ATG7: variants seen among roughly 807,000 people sequenced by gnomAD.
ATG7 encodes the protein autophagy related 7, also known as ubiquitin-like modifier-activating enzyme ATG7.
A neutral mutation model predicts 82.4 loss-of-function variants in ATG7; 70 were observed. That is an observed-to-expected ratio of 0.85 (90% CI 0.70 to 1.04). ATG7 has a LOEUF of 1.04. Ranked by LOEUF, ATG7 falls within the 50% of genes least tolerant of loss-of-function variation. The probability of loss-of-function intolerance (pLI) is 0.00; values close to 1 mark genes in which losing one functional copy is unlikely to be tolerated. For missense variants in ATG7, 792 were observed against 864.3 expected, an observed-to-expected ratio of 0.92 and a Z score of 1.05; for synonymous variants, 287 against 313.0, an observed-to-expected ratio of 0.92 and a Z score of 0.88.
At chr3:11,559,378 G>A (rs370809228), downstream of ATG7, 155 of 1,554,260 alleles carry the variant, frequency 1.0e-4, 1 homozygote, top group Middle Eastern at 2.0e-4. Context: ...CGGCACAGCC[G>A]CTGTGCGCGA....
chr3:11,462,131 C>G (rs1422686985), intron 20 of ATG7, among the ~76,000 whole-genome samples: 4 of 152,080 alleles, frequency 2.6e-5, no homozygotes. Context: ...CTCAAGGTTT[C>G]CATTTCTAAC....
chr3:11,391,966 G>GGT (rs1553640476), intron 19 of ATG7, among the ~76,000 whole-genome samples: 67 of 138,476 alleles, frequency 4.8e-4, no homozygotes, highest in African/African-American at 1.8e-3. Context: ...ATTGGGGGGG[G>GGT]GGTAATTTCA....
intron 20 of ATG7, among the ~76,000 whole-genome samples, chr3:11,486,916 A>C (rs960666026): frequency 6.8e-6 from 1 of 148,090 alleles, no homozygotes; most frequent in African/African-American, 2.5e-5. Flanking sequence ...ACAATAGTGG[A>C]GGGAAGGTCA....
intron 20 of ATG7, among the ~76,000 whole-genome samples, chr3:11,498,185 C>T (rs2091007875): frequency 1.3e-5 from 2 of 152,106 alleles, no homozygotes; most frequent in African/African-American, 4.8e-5. Context: ...GTACATAACC[C>T]ACCTCTTTCT....
chr3:11,414,889 C>T (rs1174432600), intron 19 of ATG7, among the ~76,000 whole-genome samples: 1 of 152,192 alleles, frequency 6.6e-6, no homozygotes, highest in Non-Finnish European at 1.5e-5. Context: ...GGCTTGTGCA[C>T]CTGGGATAAA....
chr3:11,351,157 G>GTATTTA (rs1480044567), intron 14 of ATG7, among the ~76,000 whole-genome samples: 1 of 152,156 alleles, frequency 6.6e-6, no homozygotes, highest in Non-Finnish European at 1.5e-5. Flanking sequence ...GTCAGGTAGT[G>GTATTTA]TATTTAAGAC....
chr3:11,476,434 G>A (rs925497729), intron 20 of ATG7, among the ~76,000 whole-genome samples: 1 of 95,634 alleles, frequency 1.0e-5, no homozygotes, highest in Non-Finnish European at 2.3e-5. Flanking sequence ...TTTTTTTTTT[G>A]GTTTTTCCTT....
At chr3:11,392,934 A>T (rs1056044033) in intron 19 of ATG7, among the ~76,000 whole-genome samples, 5 of 152,230 alleles carry the variant, frequency 3.3e-5, no homozygotes, top group Admixed American at 1.3e-4. Flanking sequence ...GCAGGCACAA[A>T]AGTTAGTCAT....
chr3:11,407,278 G>A (rs1029704762), intron 19 of ATG7, among the ~76,000 whole-genome samples: 3 of 152,196 alleles, frequency 2.0e-5, no homozygotes, highest in Non-Finnish European at 2.9e-5. Context: ...TCACATCCAG[G>A]TCATGCTGAT....
At chr3:11,358,633 T>C (rs942701350) in intron 15 of ATG7, 21 bp downstream of exon 15, 3 of 1,605,298 alleles carry the variant, frequency 1.9e-6, no homozygotes, top group East Asian at 2.2e-5. Context: ...TCTCTAATTA[T>C]GATTTATGAT....
chr3:11,488,610 C>A (rs945383998), intron 20 of ATG7: 14 of 461,962 alleles, frequency 3.0e-5, no homozygotes, highest in African/African-American at 1.0e-4. Flanking sequence ...CGACCCCAGC[C>A]CGCGGGCCTT....
the ATG7 span, among the ~76,000 whole-genome samples, chr3:11,576,122 T>A: frequency 6.6e-6 from 1 of 152,220 alleles, no homozygotes; most frequent in African/African-American, 2.4e-5. Context: ...CGGTAAAGCA[T>A]CTCACCTGCC....
chr3:11,292,603 T>C (rs1945170738), intron 3 of ATG7, among the ~76,000 whole-genome samples: 1 of 133,550 alleles, frequency 7.5e-6, no homozygotes, highest in Admixed American at 8.0e-5. Flanking sequence ...AGTTTCTTCC[T>C]CTATAAAATT....
Position 11,547,242 on chromosome 3 carries a change from C to G in ATG7, c.2080-7569C>G, listed in dbSNP as rs2071375626. 2.6e-5 allele frequency among the ~76,000 whole-genome samples: 4 copies of G among 152,216 alleles called. No individual in the cohort carries two copies. The South Asian group carries it at 8.3e-4, about 32-fold the overall frequency. On this transcript the variant is annotated intron_variant, in intron 20 of 20. Transcript: ENST00000693202. ...GCTAGCTTGGTCTCCTTGACAAGTT[C>G]TGCTGTTTTCTCTGTGCTTCAGTCC... is the stretch of plus-strand genomic sequence containing the variant.
At chr3:11,516,395 A>G (rs899784644) in intron 20 of ATG7, among the ~76,000 whole-genome samples, 1 of 152,258 alleles carries the variant, frequency 6.6e-6, no homozygotes, top group African/African-American at 2.4e-5. Flanking sequence ...AAATGACTAG[A>G]TACCATGTAA....
Position 11,278,643 on chromosome 3 carries a change from T to C in ATG7, c.-365-2351T>C, listed in dbSNP as rs545100159. ...CTGGCACGGTTCCTTTCTCATAGAA[T>C]TTTTATTTATTCATTCTTTGTTTCA... On this transcript the variant is annotated intron_variant, in intron 1 of 20. Transcript: ENST00000693202. Among the ~76,000 whole-genome samples the C allele has an allele frequency of 9.8e-5, 15 of 152,352 alleles. No homozygotes were observed. The South Asian group carries it at 2.9e-3, about 29-fold the overall frequency.
chr3:11,315,281 G>A (rs1437196129), intron 8 of ATG7, 63 bp from the exon 9 acceptor site: 1 of 1,387,800 alleles, frequency 7.2e-7, no homozygotes, highest in Non-Finnish European at 9.5e-7. Context: ...TTTTGAGTTA[G>A]TTTTTAGCCC....
At chr3:11,490,772 T>A (rs1229156889) in intron 20 of ATG7, among the ~76,000 whole-genome samples, 1 of 152,248 alleles carries the variant, frequency 6.6e-6, no homozygotes, top group African/African-American at 2.4e-5. Context: ...TTGAAAATTC[T>A]TTTCTTTAAG....
At chr3:11,478,997 C>A (rs917268751) in intron 20 of ATG7, among the ~76,000 whole-genome samples, 1 of 131,836 alleles carries the variant, frequency 7.6e-6, no homozygotes, top group East Asian at 2.1e-4. Context: ...ACAACACACA[C>A]ACACACACAC....
Sources: gnomAD v4.1 joint callset for allele counts (sites outside exome capture counted in the v4.1 genomes callset) on GRCh38, gnomAD v4.1.1 for gene constraint, MANE v1.5 for transcripts, NCBI Gene and HGNC (gene_info 2026-07-23, HGNC 2026-07-21) for gene names.